The following SYNE2 variants were observed in gnomAD, a reference collection of about 807,000 sequenced individuals.
SYNE2 encodes nesprin-2.
Under a neutral mutation model 856.3 loss-of-function variants are expected in SYNE2, and 431 were observed. The observed-to-expected ratio is 0.50, with a 90% CI of 0.47 to 0.55. The LOEUF (loss-of-function observed/expected upper bound fraction) is 0.55. SYNE2 is among the 20% of genes least tolerant of loss of function. The pLI is 0.00. For synonymous variants in SYNE2, 2,923 were observed against 2,872.3 expected, an observed-to-expected ratio of 1.02 and a Z score of -0.56; for missense variants, 8,129 against 8,023.2, an observed-to-expected ratio of 1.01 and a Z score of -0.50.
chr14:63,891,683 T>G (rs904943021), intron 1 of SYNE2, among the ~76,000 whole-genome samples: 1 of 152,112 alleles, frequency 6.6e-6, no homozygotes, highest in African/African-American at 2.4e-5. Context: ...TATATGTATA[T>G]ATATGATTCG....
intron 53 of SYNE2, among the ~76,000 whole-genome samples, chr14:64,075,101 AG>A (rs2097447590): frequency 6.6e-6 from 1 of 152,162 alleles, no homozygotes; most frequent in East Asian, 1.9e-4. Context: ...TCCTCTGCTG[AG>A]GATTAAGAAA....
intron 1 of SYNE2, among the ~76,000 whole-genome samples, chr14:63,881,158 T>G (rs906839806): frequency 3.9e-5 from 6 of 151,924 alleles, no homozygotes; most frequent in Non-Finnish European, 5.9e-5. Context: ...ATTTTTTTTT[T>G]TGTAGAGACA....
At chr14:63,885,851 G>A (rs1424397021) in intron 1 of SYNE2, among the ~76,000 whole-genome samples, 1 of 152,150 alleles carries the variant, frequency 6.6e-6, no homozygotes. Context: ...CCAGGTTTTC[G>A]GTTAGGTACC....
intron 1 of SYNE2, among the ~76,000 whole-genome samples, chr14:63,899,519 T>A (rs2095307261): frequency 6.6e-6 from 1 of 151,972 alleles, no homozygotes; most frequent in Non-Finnish European, 1.5e-5. Context: ...TTAGTTTTTT[T>A]GAGACAGGGT....
chr14:64,135,444 A>G (rs1424087127), intron 78 of SYNE2, among the ~76,000 whole-genome samples: 1 of 148,532 alleles, frequency 6.7e-6, no homozygotes, highest in Non-Finnish European at 1.5e-5. Flanking sequence ...TTGCCGCCTT[A>G]TTAATTATAT....
At chr14:64,219,174 T>C (rs372327695) in intron 109 of SYNE2, 34 bp from the exon 110 acceptor site, 10 of 1,603,482 alleles carry the variant, frequency 6.2e-6, no homozygotes, top group Non-Finnish European at 1.7e-6. Context: ...TGTTGCATTA[T>C]TGCTTTTTTT....
chr14:63,968,460 A>G (rs1236858240), intron 11 of SYNE2, among the ~76,000 whole-genome samples: 1 of 152,176 alleles, frequency 6.6e-6, no homozygotes, highest in African/African-American at 2.4e-5. Flanking sequence ...CTTCTCTACT[A>G]TCATGTATCA....
At chr14:64,037,347 T>C (rs2097099525) in intron 45 of SYNE2, among the ~76,000 whole-genome samples, 1 of 150,798 alleles carries the variant, frequency 6.6e-6, no homozygotes, top group Non-Finnish European at 1.5e-5. Flanking sequence ...ACGAGCATGC[T>C]GCCTTCAAGT....
At chr14:63,938,224 G>A (rs1261909386) in intron 2 of SYNE2, among the ~76,000 whole-genome samples, 2 of 152,150 alleles carry the variant, frequency 1.3e-5, no homozygotes, top group African/African-American at 4.8e-5. Context: ...TGGGAGGTGA[G>A]TTGGGAGGAT....
chr14:63,874,048 T>A (rs1017847157), intron 1 of SYNE2: 5 of 152,242 alleles, frequency 3.3e-5, no homozygotes, highest in African/African-American at 1.2e-4. Flanking sequence ...TTAGGACAGT[T>A]AAAAACCATT....
At chr14:63,980,585 C>T (rs1228876524) in intron 14 of SYNE2, 69 bp from the exon 15 acceptor site, 2 of 1,042,314 alleles carry the variant, frequency 1.9e-6, no homozygotes, top group Non-Finnish European at 2.9e-6. Context: ...GGCTGTATCT[C>T]ACTATCTGGA....
intron 68 of SYNE2, among the ~76,000 whole-genome samples, chr14:64,121,366 CA>C (rs997880447): frequency 6.6e-6 from 1 of 151,714 alleles, no homozygotes; most frequent in African/African-American, 2.4e-5. Context: ...ACTAAAAATA[CA>C]AAAAAATGAG....
intron 96 of SYNE2, among the ~76,000 whole-genome samples, chr14:64,183,967 G>A (rs1025085882): frequency 6.5e-5 from 9 of 138,006 alleles, no homozygotes; most frequent in African/African-American, 2.5e-4. Flanking sequence ...GAGGGAGGGG[G>A]TGGGGAGGGG....
intron 1 of SYNE2, among the ~76,000 whole-genome samples, chr14:63,900,236 A>G (rs2095318120): frequency 6.6e-6 from 1 of 152,212 alleles, no homozygotes. Context: ...GAGAATTGCT[A>G]CATTTTTGTT....
At position 63,878,598 on chromosome 14, in the gene SYNE2, A is replaced by G. The variant is rs935701171; in HGVS notation, c.-52+25455A>G. ...CTCACTCTTACCCAGGCTGGAGTGC[A>G]GTGGTGCGATCTCAACTCACTGCAG... On this transcript the variant is annotated intron_variant, in intron 1 of 115. Transcript: ENST00000555002. Among the ~76,000 whole-genome samples, 9 of 151,702 alleles carry G rather than the reference A, an allele frequency of 5.9e-5. No homozygotes were observed. The East Asian group carries it at 1.7e-3, about 29-fold the overall frequency.
chr14:64,158,658 T>C lies in SYNE2; in HGVS notation c.15826T>C (p.Leu5276=). The change falls in exon 86 of 116, where the codon TTA becomes CTA. Residue 5276 remains leucine (L), a synonymous_variant. Transcript: ENST00000555002. ...GCTCAAAACCTCCATGCAGTCAGTT[T>C]TACAGGAGTGGAAGATTTATGATCA... The part of the protein sequence containing the change: ...NQLKTSMQSV[L]QEWKIYDQLY... The C allele has an allele frequency of 6.2e-7, 1 of 1,613,988 alleles. No individual in the cohort carries two copies. Among genetic ancestry groups the C allele is most frequent in the Non-Finnish European group, 8.5e-7 (1 of 1,179,900 alleles).
chr14:63,783,589 C>A (rs1887408107), intron 1 of SYNE2, among the ~76,000 whole-genome samples: 2 of 152,314 alleles, frequency 1.3e-5, no homozygotes, highest in South Asian at 2.1e-4. Flanking sequence ...GATATAGTAT[C>A]ACTTTTGTGG....
intron 71 of SYNE2, among the ~76,000 whole-genome samples, chr14:64,125,757 C>T (rs1444206478): frequency 2.0e-5 from 3 of 152,120 alleles, no homozygotes; most frequent in East Asian, 3.9e-4. Flanking sequence ...ACTCACCAGG[C>T]GCAATGCATG....
At chr14:63,902,148 T>C (rs2095345093) in intron 1 of SYNE2, among the ~76,000 whole-genome samples, 1 of 152,134 alleles carries the variant, frequency 6.6e-6, no homozygotes, top group Middle Eastern at 3.2e-3. Flanking sequence ...TGGTGGCTCA[T>C]GCCTGTAATC....
Sources: gnomAD v4.1 joint callset for allele counts (sites outside exome capture counted in the v4.1 genomes callset) on GRCh38, gnomAD v4.1.1 for gene constraint, MANE v1.5 for transcripts, NCBI Gene and HGNC (gene_info 2026-07-23, HGNC 2026-07-21) for gene names.